MGAT4C: variants seen among roughly 807,000 people sequenced by gnomAD.
MGAT4C encodes the protein MGAT4 family member C.
MGAT4C carries 19 observed loss-of-function variants against 40.1 expected under a neutral mutation model. That is an observed-to-expected ratio of 0.47 (90% CI 0.33 to 0.70). The LOEUF (loss-of-function observed/expected upper bound fraction) is 0.70, where lower values mean the gene tolerates loss of function less well. MGAT4C is among the 30% of genes least tolerant of loss of function. The pLI is 0.02. For missense variants in MGAT4C, 491 were observed against 563.2 expected (o/e 0.87, Z 1.30); for synonymous variants, 181 against 187.1 (o/e 0.97, Z 0.27).
chr12:86,317,111 A>G (rs1199857541), intron 4 of MGAT4C, among the ~76,000 whole-genome samples: 1 of 152,138 alleles, frequency 6.6e-6, no homozygotes, highest in African/African-American at 2.4e-5. Context: ...GCTCTATTTG[A>G]ACAAATTTAC....
chr12:86,652,341 CT>C (rs1963719279), intron 2 of MGAT4C, among the ~76,000 whole-genome samples: 1 of 151,862 alleles, frequency 6.6e-6, no homozygotes, highest in African/African-American at 2.4e-5. Context: ...CCTACGTCCC[CT>C]ATGACGGAAA....
At chr12:86,212,891 CAAAAAAAAAAAAAAA>C (rs71076172) in intron 1 of MGAT4C, among the ~76,000 whole-genome samples, 2 of 22,514 alleles carry the variant, frequency 8.9e-5, no homozygotes, top group African/African-American at 3.8e-4. Flanking sequence ...GACTCCGTCT[CAAAAAAAAAAAAAAA>C]AAAAAAAAAA....
intron 1 of MGAT4C, among the ~76,000 whole-genome samples, chr12:86,232,351 A>AT (rs942124808): frequency 1.4e-4 from 21 of 152,062 alleles, no homozygotes; most frequent in African/African-American, 4.3e-4. Flanking sequence ...AGTTCAAGAA[A>AT]TTTTTTTTCT....
intron 1 of MGAT4C, among the ~76,000 whole-genome samples, chr12:86,175,152 AG>A (rs1308163032): frequency 1.3e-5 from 2 of 152,182 alleles, no homozygotes; most frequent in African/African-American, 4.8e-5. Flanking sequence ...CTTAAATCAA[AG>A]AATGTATAGA....
chr12:86,313,595 G>C (rs1224555954), intron 4 of MGAT4C, among the ~76,000 whole-genome samples: 1 of 152,076 alleles, frequency 6.6e-6, no homozygotes, highest in African/African-American at 2.4e-5. Context: ...GAAAAGCCAG[G>C]AGAAAAATTT....
chr12:86,828,382 C>G (rs1952849845), intron 1 of MGAT4C, among the ~76,000 whole-genome samples: 1 of 151,134 alleles, frequency 6.6e-6, no homozygotes. Context: ...TCTTATCAGG[C>G]TAGAGTATAA....
intron 1 of MGAT4C, among the ~76,000 whole-genome samples, chr12:86,774,327 C>CTTTCTTTCTTTCTTTCTTTCTTTCTTTT (rs1565981576): frequency 9.8e-6 from 1 of 102,510 alleles, no homozygotes; most frequent in Non-Finnish European, 2.0e-5. Flanking sequence ...TTCTTTCTTT[C>CTTTCTTTCTTTCTTTCTTTCTTTCTTTT]TTTCTTTCTT....
chr12:86,132,709 G>A (rs567159076), intron 1 of MGAT4C, among the ~76,000 whole-genome samples: 1 of 150,842 alleles, frequency 6.6e-6, no homozygotes, highest in African/African-American at 2.4e-5. Context: ...GGAGAATGGC[G>A]TGAACCCTGG....
chr12:86,524,170 T>C (rs1225799957), intron 2 of MGAT4C, among the ~76,000 whole-genome samples: 2 of 152,228 alleles, frequency 1.3e-5, no homozygotes, highest in African/African-American at 2.4e-5. Flanking sequence ...GTTTATGTAA[T>C]TGTTTTATCG....
At chr12:86,037,099 A>G (rs1436581378) in intron 2 of MGAT4C, among the ~76,000 whole-genome samples, 1 of 149,920 alleles carries the variant, frequency 6.7e-6, no homozygotes, top group Non-Finnish European at 1.5e-5. Context: ...AGTATTTTCT[A>G]ATGGTAATTT....
At chr12:86,195,582 G>A (rs1303677302) in intron 1 of MGAT4C, among the ~76,000 whole-genome samples, 2 of 152,160 alleles carry the variant, frequency 1.3e-5, no homozygotes, top group East Asian at 3.9e-4. Flanking sequence ...TCTATCCCCT[G>A]AAAAGACAGC....
rs569204614 is a variant in MGAT4C at position 86,256,367 on chromosome 12, A to G, written c.-185T>C. ...TCTCAATGAAGAGATGTAAACATCC[A>G]TCATAATGGCACTGTGCTGAAACTG... On this transcript the variant is annotated 5_prime_UTR_variant, in exon 1 of 5. An upstream start codon of the reference 5' UTR is lost. Transcript: ENST00000611864. The G allele has an allele frequency of 1.3e-5, 2 of 152,206 alleles. No homozygotes were observed. The highest frequency in any genetic ancestry group is 1.9e-4 in the East Asian group (1 of 5,190). The allele number at this position is 152,206 out of a possible 1,614,324, so 9.4% of individuals were successfully genotyped here. A position where few individuals can be genotyped will look rare whatever the true frequency, so the allele number is the denominator to read the frequency against.
intron 1 of MGAT4C, among the ~76,000 whole-genome samples, chr12:86,152,488 C>A (rs575679714): frequency 1.4e-4 from 22 of 152,282 alleles, no homozygotes; most frequent in Middle Eastern, 6.8e-3. Flanking sequence ...GACTTAATCA[C>A]CTTCTAAAGA....
intron 1 of MGAT4C, among the ~76,000 whole-genome samples, chr12:86,082,977 A>G (rs1052494469): frequency 6.6e-6 from 1 of 152,050 alleles, no homozygotes; most frequent in Non-Finnish European, 1.5e-5. Flanking sequence ...ACAACCTACA[A>G]TTGTTTGTTT....
intron 2 of MGAT4C, among the ~76,000 whole-genome samples, chr12:86,450,337 A>G (rs1957404816): frequency 6.6e-6 from 1 of 151,952 alleles, no homozygotes; most frequent in African/African-American, 2.4e-5. Context: ...TTAGTTTTTT[A>G]TTAGGTTGTC....
chr12:86,438,713 G>T (rs1957177630), intron 2 of MGAT4C, among the ~76,000 whole-genome samples: 1 of 151,762 alleles, frequency 6.6e-6, no homozygotes, highest in East Asian at 1.9e-4. Flanking sequence ...ACCAAATAAT[G>T]CTGTCTTCAA....
chr12:86,582,640 TTC>T (rs6144794), intron 2 of MGAT4C, among the ~76,000 whole-genome samples: 1,547 of 151,478 alleles, frequency 0.01, 19 homozygotes, highest in African/African-American at 0.035. Context: ...TGAATTAAAT[TTC>T]TGTCTAGCAT....
chr12:86,494,975 C>T (rs560522163), intron 2 of MGAT4C, among the ~76,000 whole-genome samples: 1 of 151,850 alleles, frequency 6.6e-6, no homozygotes, highest in South Asian at 2.1e-4. Context: ...CTAATAAAAC[C>T]GAAAATAAAC....
At position 86,802,681 on chromosome 12, in the gene MGAT4C, A is replaced by C. The variant is rs568205658; in HGVS notation, c.-262+35985T>G. 8.9e-3 allele frequency among the ~76,000 whole-genome samples: 1,336 copies of C among 150,178 alleles called. 14 individuals carry two copies. The highest frequency in any genetic ancestry group is 0.032 in the African/African-American group (1,286 of 40,750). The stretch of plus-strand genomic sequence containing the variant: ...CATTCACAATTGCTTCAAAGAGAAT[A>C]AAATACCTAGGAATCCAACTTACAA... On this transcript the variant is annotated intron_variant, in intron 1 of 7. Transcript: ENST00000548651.
Sources: allele counts gnomAD v4.1 joint callset (sites outside exome capture counted in the v4.1 genomes callset), GRCh38; gene constraint gnomAD v4.1.1; transcripts MANE v1.5; gene names NCBI Gene and HGNC (gene_info 2026-07-23, HGNC 2026-07-21).